The following DGKB variants were observed in gnomAD, a reference collection of about 807,000 sequenced individuals.
DGKB encodes diacylglycerol kinase beta.
Under a neutral mutation model 114.3 loss-of-function variants are expected in DGKB, and 67 were observed. The ratio of observed to expected loss-of-function variants is 0.59; its 90% CI spans 0.48 to 0.72. The LOEUF is 0.72. DGKB is among the 30% of genes least tolerant of loss of function. The probability of loss-of-function intolerance (pLI) is 0.00; values close to 1 mark genes in which losing one functional copy is unlikely to be tolerated. For synonymous variants in DGKB, 398 were observed against 323.1 expected (o/e 1.23, Z -2.49); for missense variants, 907 against 975.2 (o/e 0.93, Z 0.93).
At chr7:14,247,449 C>T (rs1794649884) in intron 23 of DGKB, among the ~76,000 whole-genome samples, 1 of 152,086 alleles carries the variant, frequency 6.6e-6, no homozygotes, top group African/African-American at 2.4e-5. Flanking sequence ...AATGGCTGTG[C>T]CAATTTACAT....
intron 23 of DGKB, among the ~76,000 whole-genome samples, chr7:14,312,443 T>C (rs1486660526): frequency 6.6e-6 from 1 of 152,234 alleles, no homozygotes. Flanking sequence ...ACTATACTTG[T>C]TATTAATGCC....
At chr7:14,568,806 C>G (rs1268987838) in intron 20 of DGKB, among the ~76,000 whole-genome samples, 1 of 152,150 alleles carries the variant, frequency 6.6e-6, no homozygotes, top group African/African-American at 2.4e-5. Context: ...GTATATTGTA[C>G]AGCGCTAGCT....
intron 9 of DGKB, among the ~76,000 whole-genome samples, chr7:14,685,624 T>C (rs1048638834): frequency 1.3e-5 from 2 of 152,154 alleles, no homozygotes; most frequent in African/African-American, 4.8e-5. Context: ...CCCCAAGCCA[T>C]CGTCATGACC....
intron 23 of DGKB, among the ~76,000 whole-genome samples, chr7:14,239,208 TAAAACCAAG>T (rs1250088043): frequency 2.0e-5 from 3 of 152,036 alleles, no homozygotes; most frequent in African/African-American, 4.8e-5. Context: ...GTTTTGGCAA[TAAAACCAAG>T]AAAAGGGTAC....
intron 21 of DGKB, among the ~76,000 whole-genome samples, chr7:14,360,250 G>A (rs561722139): frequency 7.2e-5 from 11 of 152,000 alleles, no homozygotes; most frequent in Non-Finnish European, 1.3e-4. Flanking sequence ...ACTCACAGGT[G>A]GGAATTGAAC....
chr7:14,807,095 A>C (rs948487175), intron 2 of DGKB, among the ~76,000 whole-genome samples: 26 of 151,978 alleles, frequency 1.7e-4, no homozygotes, highest in African/African-American at 6.0e-4. Flanking sequence ...TCCTGAGGGC[A>C]TGAAACTATG....
At chr7:14,932,888 T>C (rs916091154) in intron 1 of DGKB, among the ~76,000 whole-genome samples, 1 of 152,156 alleles carries the variant, frequency 6.6e-6, no homozygotes, top group African/African-American at 2.4e-5. Context: ...GATAGGAACT[T>C]TATGGATGGT....
In DGKB at chr7:14,343,496, C is replaced by G. The variant is rs114684646; in HGVS notation, c.1926+1805G>C. 1.5e-3 allele frequency among the ~76,000 whole-genome samples: 233 copies of G among 151,786 alleles called. 2 individuals are homozygous for G. Among genetic ancestry groups the G allele is most frequent in the African/African-American group, 5.3e-3 (221 of 41,462 alleles). ...TTTCAAATATATTTTCATTCAAAAT[C>G]TTTTGCTGTAAACACAACACTTTTC... On this transcript the variant is annotated intron_variant, in intron 22 of 25. Transcript: ENST00000402815.
chr7:14,574,662 C>T (rs1443820237), intron 19 of DGKB, among the ~76,000 whole-genome samples: 2 of 152,102 alleles, frequency 1.3e-5, no homozygotes, highest in Non-Finnish European at 2.9e-5. Flanking sequence ...AAACTTTATA[C>T]CAATAGATTC....
intron 23 of DGKB, among the ~76,000 whole-genome samples, chr7:14,237,808 G>A (rs1032537580): frequency 1.3e-5 from 2 of 151,718 alleles, no homozygotes; most frequent in African/African-American, 4.8e-5. Context: ...CAAGACGTTT[G>A]TTTTTTATTT....
chr7:14,434,783 G>C (rs988962652), intron 21 of DGKB, among the ~76,000 whole-genome samples: 1 of 152,014 alleles, frequency 6.6e-6, no homozygotes, highest in Admixed American at 6.6e-5. Context: ...CGTGTCTAGC[G>C]ACCAAAGAGC....
chr7:14,957,631 C>T (rs1373619495), intron 1 of DGKB, among the ~76,000 whole-genome samples: 4 of 152,022 alleles, frequency 2.6e-5, no homozygotes, highest in Non-Finnish European at 5.9e-5. Flanking sequence ...TATACTGTAT[C>T]TTGCTTTGTT....
chr7:14,682,276 T>C (rs1031105769), intron 12 of DGKB, among the ~76,000 whole-genome samples: 1 of 152,146 alleles, frequency 6.6e-6, no homozygotes, highest in Admixed American at 6.6e-5. Context: ...TCTGATTACC[T>C]TCCTGGGAAC....
chr7:14,221,684 A>G (rs1274349646), intron 23 of DGKB, among the ~76,000 whole-genome samples: 1 of 151,460 alleles, frequency 6.6e-6, no homozygotes, highest in Non-Finnish European at 1.5e-5. Context: ...CTGGCCTCAT[A>G]GAATTAGGGA....
chr7:14,855,780 T>C (rs1369677420), intron 1 of DGKB, among the ~76,000 whole-genome samples: 2 of 152,186 alleles, frequency 1.3e-5, no homozygotes, highest in Non-Finnish European at 2.9e-5. Context: ...GTGGATTAGA[T>C]AGGACTTTTG....
chr7:14,719,364 T>C (rs113690025), intron 5 of DGKB, among the ~76,000 whole-genome samples: 69 of 152,296 alleles, frequency 4.5e-4, no homozygotes, highest in Non-Finnish European at 8.8e-4. Flanking sequence ...CACAAGGATA[T>C]AGGTTGCTTA....
intron 23 of DGKB, among the ~76,000 whole-genome samples, chr7:14,260,492 A>C (rs2128411112): frequency 6.6e-6 from 1 of 152,290 alleles, no homozygotes; most frequent in Middle Eastern, 3.4e-3. Context: ...GACCTCAATA[A>C]GGCTGTTGTT....
chr7:14,236,432 A>G (rs896381156), intron 23 of DGKB, among the ~76,000 whole-genome samples: 1 of 151,904 alleles, frequency 6.6e-6, no homozygotes, highest in Non-Finnish European at 1.5e-5. Context: ...ATTGTCTTCT[A>G]GAACATAAAG....
intron 15 of DGKB, among the ~76,000 whole-genome samples, chr7:14,618,086 C>G (rs758920091): frequency 5.3e-5 from 8 of 150,936 alleles, no homozygotes; most frequent in Non-Finnish European, 1.0e-4. Flanking sequence ...AAACAGTCAA[C>G]AGGGTTAAGA....
Sources: allele counts gnomAD v4.1 joint callset (sites outside exome capture counted in the v4.1 genomes callset), GRCh38; gene constraint gnomAD v4.1.1; transcripts MANE v1.5; gene names NCBI Gene and HGNC (gene_info 2026-07-23, HGNC 2026-07-21).